Variants in HEATR5A observed in about 807,000 individuals in gnomAD.
HEATR5A encodes HEAT repeat-containing protein 5A.
Under a neutral mutation model 218.8 loss-of-function variants are expected in HEATR5A, and 178 were observed. The ratio of observed to expected loss-of-function variants is 0.81; its 90% CI spans 0.72 to 0.92. The LOEUF (loss-of-function observed/expected upper bound fraction) is 0.92, where lower values mean the gene tolerates loss of function less well. Ranked by LOEUF, HEATR5A falls within the 40% of genes least tolerant of loss-of-function variation. The pLI, the probability that HEATR5A is intolerant of heterozygous loss-of-function variation, is 0.00. For synonymous variants in HEATR5A, 864 were observed against 871.6 expected (o/e 0.99, Z 0.15); for missense variants, 2,420 against 2,418.9 (o/e 1.00, Z -0.01).
rs1174958760 is a variant in HEATR5A, at chr14:31,337,520, T to C, written c.3323A>G (p.His1108Arg). 6.4e-7 allele frequency: 1 copy of C among 1,561,084 alleles called. No individual in the cohort carries two copies. ...VQREAAEVSE[H>R]AVMLAKDSRE... ...GCTATCCTTAGCAAGCATAACAGCA[T>C]GTTCTGAAACTTCAGCTGCTTCTCT... The change falls in exon 22 of 36, where the codon CAT (histidine) becomes CGT (arginine). Residue 1108 changes from histidine (H) to arginine (R), a missense_variant. By Grantham distance (29) the His-to-Arg change is conservative. Transcript: ENST00000543095.
intron 13 of HEATR5A, among the ~76,000 whole-genome samples, chr14:31,367,189 C>G (rs1392342095): frequency 1.3e-5 from 2 of 152,052 alleles, no homozygotes; most frequent in Non-Finnish European, 2.9e-5. Context: ...ACTATATACC[C>G]ATTTATTTAA....
At chr14:31,406,409 C>T (rs1333520705) in intron 1 of HEATR5A, among the ~76,000 whole-genome samples, 1 of 152,148 alleles carries the variant, frequency 6.6e-6, no homozygotes, top group Admixed American at 6.5e-5. Flanking sequence ...TTACTGCTTA[C>T]TTATTATAGT....
chr14:31,391,821 A>G (rs570238484), intron 6 of HEATR5A, among the ~76,000 whole-genome samples: 32 of 152,346 alleles, frequency 2.1e-4, no homozygotes, highest in East Asian at 5.8e-4. Context: ...AGTATTCAGT[A>G]TAGTAACATG....
intron 1 of HEATR5A, among the ~76,000 whole-genome samples, chr14:31,410,630 C>T (rs1342811378): frequency 6.6e-6 from 1 of 152,204 alleles, no homozygotes; most frequent in Non-Finnish European, 1.5e-5. Context: ...TGACACTTAA[C>T]TGGTACACTT....
intron 32 of HEATR5A, chr14:31,302,772 T>C: frequency 2.4e-6 from 1 of 411,810 alleles, no homozygotes; most frequent in South Asian, 3.4e-5. Context: ...ATGCTGTTTT[T>C]GTTTTCTTTG....
chr14:31,395,229 T>G lies in HEATR5A; in HGVS notation c.567A>C (p.Arg189Ser). The change falls in exon 5 of 36, where the codon AGA becomes AGC. Residue 189 changes from arginine (R) to serine (S), a missense_variant. Physicochemically the swap from Arg to Ser is moderately radical, Grantham distance 110 (BLOSUM62 -1). Transcript: ENST00000543095. ...CAGCAGCACAACGAACAGCCATGGA[T>G]CTATCTGTCAAGCAGGATCTAGCAG... ...YKAARSCLTD[R>S]SMAVRCAAAK... 1 of 1,533,212 alleles carries G rather than the reference T, an allele frequency of 6.5e-7. No homozygotes were observed. Among genetic ancestry groups the G allele is most frequent in the Non-Finnish European group, 8.7e-7 (1 of 1,144,778 alleles). 95.0% of individuals were successfully genotyped at this position (1,533,212 alleles called of 1,614,324 possible). A position where few individuals can be genotyped will look rare whatever the true frequency, so the allele number is the denominator to read the frequency against.
chr14:31,388,777 G>T (rs1158007326), intron 7 of HEATR5A, 68 bp downstream of exon 7: 2 of 1,255,094 alleles, frequency 1.6e-6, no homozygotes, highest in African/African-American at 1.5e-5. Flanking sequence ...CTTCTGTGGA[G>T]TCAGATACTA....
chr14:31,370,901 T>G (rs1163504365), intron 13 of HEATR5A, among the ~76,000 whole-genome samples: 1 of 152,200 alleles, frequency 6.6e-6, no homozygotes, highest in Non-Finnish European at 1.5e-5. Flanking sequence ...GTGATACACT[T>G]TTTTAAAAGG....
At chr14:31,308,286 T>C (rs1204920566) in intron 29 of HEATR5A, among the ~76,000 whole-genome samples, 1 of 152,078 alleles carries the variant, frequency 6.6e-6, no homozygotes, top group Non-Finnish European at 1.5e-5. Context: ...GGTGGGCGGA[T>C]CATCTGAGGT....
Position 31,402,981 on chromosome 14 carries a change from G to A in HEATR5A, c.-6C>T. On this transcript the variant is annotated 5_prime_UTR_variant, in exon 2 of 36. Transcript: ENST00000543095. ...AAGCTATGAGCTAATTCCATTCCTT[G>A]CAGCAATCCTCCCAGCTGATCACAG... The A allele has an allele frequency of 6.5e-7, 1 of 1,534,750 alleles. No individual in the cohort carries two copies. Among genetic ancestry groups the A allele is most frequent in the Non-Finnish European group, 8.7e-7 (1 of 1,146,106 alleles).
intron 33 of HEATR5A, among the ~76,000 whole-genome samples, chr14:31,298,945 C>T (rs1899277616): frequency 6.6e-6 from 1 of 152,172 alleles, no homozygotes; most frequent in African/African-American, 2.4e-5. Context: ...TGAGCTCTAT[C>T]CCCCACACTG....
intron 1 of HEATR5A, among the ~76,000 whole-genome samples, chr14:31,415,175 T>G (rs1420142918): frequency 1.3e-5 from 2 of 152,154 alleles, no homozygotes; most frequent in South Asian, 2.1e-4. Context: ...CTCATAAAAT[T>G]TAGCTACCTA....
chr14:31,338,058 C>T (rs1043894850), intron 21 of HEATR5A, among the ~76,000 whole-genome samples: 2 of 152,078 alleles, frequency 1.3e-5, no homozygotes, highest in African/African-American at 4.8e-5. Flanking sequence ...ATGGAGGCTC[C>T]GGAGTCAAAA....
At chr14:31,301,786 C>A (rs373105067) in intron 33 of HEATR5A, among the ~76,000 whole-genome samples, 4 of 149,516 alleles carry the variant, frequency 2.7e-5, no homozygotes, top group African/African-American at 4.9e-5. Context: ...AGCCACCGTG[C>A]CTGGCCCCAG....
intron 19 of HEATR5A, among the ~76,000 whole-genome samples, chr14:31,346,031 G>C (rs905803144): frequency 1.3e-5 from 2 of 152,224 alleles, no homozygotes; most frequent in East Asian, 1.9e-4. Context: ...TTTTGTGTAC[G>C]TTTTAATGTT....
intron 10 of HEATR5A, among the ~76,000 whole-genome samples, chr14:31,383,186 A>G (rs114090702): frequency 0.016 from 2,405 of 152,280 alleles, 56 homozygotes; most frequent in African/African-American, 0.054. Context: ...CTTAACTTCA[A>G]TTCTACAGTT....
At chr14:31,377,147 AATT>A (rs1261450243) in intron 11 of HEATR5A, among the ~76,000 whole-genome samples, 1 of 143,608 alleles carries the variant, frequency 7.0e-6, no homozygotes, top group East Asian at 1.9e-4. Flanking sequence ...AAAAAAAAAA[AATT>A]CCATTTCCTA....
At chr14:31,388,363 A>G (rs1257624219) in intron 7 of HEATR5A, among the ~76,000 whole-genome samples, 2 of 152,254 alleles carry the variant, frequency 1.3e-5, no homozygotes, top group Admixed American at 6.5e-5. Flanking sequence ...TTGTTAAGAT[A>G]ACTCTTCCAA....
At chr14:31,349,580 T>A (rs1901144683) in intron 18 of HEATR5A, among the ~76,000 whole-genome samples, 1 of 152,246 alleles carries the variant, frequency 6.6e-6, no homozygotes, top group Non-Finnish European at 1.5e-5. Flanking sequence ...TTTCTTATTA[T>A]ATAAAGACTA....
Sources: allele counts gnomAD v4.1 joint callset (sites outside exome capture counted in the v4.1 genomes callset), GRCh38; gene constraint gnomAD v4.1.1; transcripts MANE v1.5; gene names NCBI Gene and HGNC (gene_info 2026-07-23, HGNC 2026-07-21).